The following CHN2 variants were observed in gnomAD, a reference collection of about 807,000 sequenced individuals.
CHN2 encodes chimerin 2.
A neutral mutation model predicts 56.3 loss-of-function variants in CHN2; 35 were observed. That is an observed-to-expected ratio of 0.62 (90% confidence interval 0.47 to 0.82). The LOEUF is 0.82. Among genes scored for constraint, CHN2 ranks in the 40% least tolerant of loss-of-function variants. The probability of loss-of-function intolerance (pLI) is 0.00; values close to 1 mark genes in which losing one functional copy is unlikely to be tolerated. For synonymous variants in CHN2, 210 were observed against 212.8 expected (o/e 0.99, Z 0.12); for missense variants, 491 against 580.5 (o/e 0.85, Z 1.58).
chr7:29,212,675 C>T, intron 1 of CHN2: 1 of 1,496,148 alleles, frequency 6.7e-7, no homozygotes, highest in Non-Finnish European at 9.3e-7. Flanking sequence ...CCAGCAGATG[C>T]AAGAACTCTC....
chr7:29,411,942 A>G (rs978068734), intron 6 of CHN2, among the ~76,000 whole-genome samples: 1 of 152,140 alleles, frequency 6.6e-6, no homozygotes, highest in African/African-American at 2.4e-5. Flanking sequence ...GGCAGCTGCT[A>G]TCATCCCCAC....
chr7:29,188,108 C>T (rs1024536569), intron 2 of CHN2, among the ~76,000 whole-genome samples: 1 of 152,154 alleles, frequency 6.6e-6, no homozygotes, highest in Non-Finnish European at 1.5e-5. Context: ...GACTTTAATT[C>T]TCACAGATTA....
At chr7:29,194,195 C>G (rs1783271625), upstream of CHN2, 1 of 151,620 alleles carries the variant, frequency 6.6e-6, no homozygotes, top group Admixed American at 6.6e-5. Context: ...TCCCCCACAC[C>G]CTCCCTCCCC....
At chr7:29,425,865 G>A (rs930221523) in intron 6 of CHN2, among the ~76,000 whole-genome samples, 12 of 152,116 alleles carry the variant, frequency 7.9e-5, no homozygotes, top group African/African-American at 2.9e-4. Flanking sequence ...TACAGGGTGT[G>A]TGCATGAATG....
Position 29,249,841 on chromosome 7 carries a change from G to GAAA in CHN2, c.49+54851_49+54852insAAA, listed in dbSNP as rs1788356343. 2.0e-5 allele frequency among the ~76,000 whole-genome samples: 3 copies of GAAA among 152,328 alleles called. No homozygotes were observed. The South Asian group carries it at 6.2e-4, about 32-fold the overall frequency. ...AGGAAAAAATAGGAAAGACTTTTCAGGAATGGTAGCGACATGAATACCAAT... is the reference window on the plus strand; with the variant it reads ...AGGAAAAAATAGGAAAGACTTTTCAGAAAGAATGGTAGCGACATGAATACCAAT... On this transcript the variant is annotated intron_variant, in intron 1 of 12. Coordinates refer to ENST00000222792, the MANE Select transcript of CHN2 (RefSeq NM_004067.4).
chr7:29,508,418 T>TA (rs5883218), intron 11 of CHN2, among the ~76,000 whole-genome samples: 50,263 of 144,864 alleles, frequency 0.35, 8,591 homozygotes, highest in Middle Eastern at 0.38. Context: ...TGTTTTTATT[T>TA]AAAAAAAAAA....
At chr7:29,217,258 C>A (rs984532175) in intron 1 of CHN2, among the ~76,000 whole-genome samples, 1 of 152,184 alleles carries the variant, frequency 6.6e-6, no homozygotes, top group African/African-American at 2.4e-5. Flanking sequence ...AGTTATCTGA[C>A]CTATTGCTCT....
chr7:29,419,306 TCTTA>T (rs1206616244), intron 6 of CHN2, among the ~76,000 whole-genome samples: 6 of 152,198 alleles, frequency 3.9e-5, no homozygotes, highest in African/African-American at 1.4e-4. Flanking sequence ...GAATTTGGAC[TCTTA>T]CTTTTCACCA....
intron 3 of CHN2, among the ~76,000 whole-genome samples, chr7:29,385,418 T>C (rs1669010376): frequency 6.6e-6 from 1 of 152,218 alleles, no homozygotes. Context: ...TCACATGTAC[T>C]GTGTGATGTT....
rs1795895943 is a variant in CHN2, at chr7:29,166,197, T to TTTTTTG, written c.274+19251_274+19256dup. Among the ~76,000 whole-genome samples the TTTTTTG allele has an allele frequency of 2.0e-5, 3 of 152,052 alleles. No homozygotes were observed. The East Asian group carries it at 5.8e-4, about 29-fold the overall frequency. On this transcript the variant is annotated intron_variant, in intron 2 of 6. Coordinates refer to the CHN2 transcript ENST00000439384. ...GGGTGTGTGCCACCACATCCAGTTT[T>TTTTTTG]TTTTTGTTTTTGTTTTTGTAGAGGT...
chr7:29,398,457 G>C lies in CHN2; in HGVS notation c.261G>C (p.Arg87=). 1 of 1,613,068 alleles carries C rather than the reference G, an allele frequency of 6.2e-7. No individual in the cohort carries two copies. Among genetic ancestry groups the C allele is most frequent in the Non-Finnish European group, 8.5e-7 (1 of 1,179,602 alleles). Reference sequence around the variant, plus strand: ...CCTACATCCTTAGAGAAAGCCAGCGGCAACCAGGATGCTACACGCTGGCTC... The same window carrying C: ...CCTACATCCTTAGAGAAAGCCAGCGCCAACCAGGATGCTACACGCTGGCTC... ...EGAYILRESQ[R]QPGCYTLALR... is the part of the protein sequence containing the mutation. Residue 87 remains arginine, a synonymous_variant, in exon 5 of 13, where the codon CGG becomes CGC. Transcript: ENST00000222792.
chr7:29,159,033 A>G (rs961672010), intron 2 of CHN2, among the ~76,000 whole-genome samples: 24 of 152,214 alleles, frequency 1.6e-4, no homozygotes, highest in Non-Finnish European at 2.9e-4. Context: ...ATCTGCTATC[A>G]GAGAAAATTA....
intron 3 of CHN2, among the ~76,000 whole-genome samples, chr7:29,369,783 CTGTT>C (rs1245644573): frequency 6.6e-6 from 1 of 152,170 alleles, no homozygotes; most frequent in African/African-American, 2.4e-5. Flanking sequence ...CACTGCATGT[CTGTT>C]TGCTGTTGCA....
At chr7:29,361,832 C>T (rs1483450034) in intron 2 of CHN2, among the ~76,000 whole-genome samples, 1 of 152,236 alleles carries the variant, frequency 6.6e-6, no homozygotes, top group African/African-American at 2.4e-5. Flanking sequence ...TGTTGATTCT[C>T]TTTTGAATCT....
chr7:29,465,424 G>A (rs990070317), intron 6 of CHN2, among the ~76,000 whole-genome samples: 3 of 152,158 alleles, frequency 2.0e-5, no homozygotes, highest in African/African-American at 7.2e-5. Context: ...AATGGTGCCA[G>A]CTGTAGATCT....
At chr7:29,257,923 G>T (rs1389961606) in intron 1 of CHN2, among the ~76,000 whole-genome samples, 1 of 152,040 alleles carries the variant, frequency 6.6e-6, no homozygotes, top group Non-Finnish European at 1.5e-5. Flanking sequence ...GAGTAGCTGG[G>T]ACTACAGGCA....
At chr7:29,487,261 G>T (rs1360221576) in intron 7 of CHN2, among the ~76,000 whole-genome samples, 2 of 151,948 alleles carry the variant, frequency 1.3e-5, no homozygotes, top group Non-Finnish European at 2.9e-5. Flanking sequence ...ATCAGAAAAG[G>T]CTGTTTTGCC....
chr7:29,201,802 C>T (rs1311220880), intron 1 of CHN2, among the ~76,000 whole-genome samples: 1 of 152,170 alleles, frequency 6.6e-6, no homozygotes, highest in African/African-American at 2.4e-5. Flanking sequence ...AATCAACAAG[C>T]TAAAAAGAGA....
chr7:29,427,872 G>A (rs148041109), intron 6 of CHN2, among the ~76,000 whole-genome samples: 2,906 of 152,032 alleles, frequency 0.019, 41 homozygotes, highest in Non-Finnish European at 0.03. Context: ...GGCCAGGTTG[G>A]TCTCGATCTC....
Sources: gnomAD v4.1 joint callset for allele counts (sites outside exome capture counted in the v4.1 genomes callset) on GRCh38, gnomAD v4.1.1 for gene constraint, MANE v1.5 for transcripts, NCBI Gene and HGNC (gene_info 2026-07-23, HGNC 2026-07-21) for gene names.